The following YPEL2 variants were observed in gnomAD, a reference collection of about 807,000 sequenced individuals.
YPEL2 encodes the protein yippee like 2, also known as protein yippee-like 2.
In YPEL2, 2 loss-of-function variants were observed where a neutral mutation model predicts 19.1. The observed-to-expected ratio is 0.10, with a 90% confidence interval of 0.04 to 0.33. The LOEUF (loss-of-function observed/expected upper bound fraction) is 0.33. Ranked by LOEUF, YPEL2 falls within the 10% of genes least tolerant of loss-of-function variation. The probability of loss-of-function intolerance (pLI) is 1.00; values close to 1 mark genes in which losing one functional copy is unlikely to be tolerated. For synonymous variants in YPEL2, 52 were observed against 50.0 expected (o/e 1.04, Z -0.17); for missense variants, 66 against 140.7 (o/e 0.47, Z 2.68).
At chr17:59,396,522 G>A (rs1047390807) in intron 4 of YPEL2, among the ~76,000 whole-genome samples, 3 of 152,228 alleles carry the variant, frequency 2.0e-5, no homozygotes, top group African/African-American at 7.2e-5. Context: ...CTTACTGAGG[G>A]GGTGACATTG....
At position 59,389,428 on chromosome 17, in the gene YPEL2, T is replaced by C; in HGVS notation, c.230T>C (p.Ile77Thr). 6.2e-7 allele frequency: 1 copy of C among 1,614,000 alleles called. No individual in the cohort carries two copies. Among genetic ancestry groups the C allele is most frequent in the Non-Finnish European group, 8.5e-7 (1 of 1,180,004 alleles). The change falls in exon 4 of 5, where the codon ATT becomes ACT. Residue 77 changes from isoleucine to threonine, a missense_variant. By Grantham distance (89) the Ile-to-Thr change is moderately conservative. Transcript: ENST00000312655. ...LLTGLHAVAD[I>T]YCENCKTTLG... ...ACAGGACTGCATGCAGTCGCAGACA[T>C]TTACTGTGAAAACTGCAAAACCACT...
At chr17:59,368,436 A>T (rs1414253663) in intron 2 of YPEL2, among the ~76,000 whole-genome samples, 1 of 152,226 alleles carries the variant, frequency 6.6e-6, no homozygotes, top group Admixed American at 6.5e-5. Flanking sequence ...AAATAGATAA[A>T]CAGTGATAAA....
intron 4 of YPEL2, among the ~76,000 whole-genome samples, chr17:59,395,962 T>C (rs1268936495): frequency 1.3e-5 from 2 of 152,040 alleles, no homozygotes; most frequent in African/African-American, 4.8e-5. Context: ...GCTCCTGTAG[T>C]CCCAGCTACT....
In YPEL2 at chr17:59,332,489, C is replaced by G. The variant is rs918366133; in HGVS notation, c.-196+665C>G. 2.6e-5 allele frequency among the ~76,000 whole-genome samples: 4 copies of G among 152,224 alleles called. No homozygotes were observed. The East Asian group carries it at 5.8e-4, about 22-fold the overall frequency. The stretch of plus-strand genomic sequence containing the variant: ...CCCGACGGAACGCGGGAGCCTCTGC[C>G]GCGAGCGCCTCCCCGGAGCTGGCGC... On this transcript the variant is annotated intron_variant, in intron 1 of 4. Transcript: ENST00000312655.
At chr17:59,367,968 A>G (rs1477476327) in intron 2 of YPEL2, among the ~76,000 whole-genome samples, 1 of 152,136 alleles carries the variant, frequency 6.6e-6, no homozygotes, top group Non-Finnish European at 1.5e-5. Flanking sequence ...TTTGTGCTAA[A>G]TTTTCAGTGT....
At chr17:59,388,432 A>T in intron 3 of YPEL2, 62 bp downstream of exon 3, 1 of 1,522,280 alleles carries the variant, frequency 6.6e-7, no homozygotes, top group Admixed American at 1.7e-5. Context: ...GGAAAAAGCA[A>T]TCCTTGGTGA....
intron 4 of YPEL2, 52 bp downstream of exon 4, chr17:59,389,520 G>T: frequency 7.0e-7 from 1 of 1,428,378 alleles, no homozygotes. Flanking sequence ...ATTGCCAAGA[G>T]CCTTATGCCA....
chr17:59,353,445 A>G lies in YPEL2; in HGVS notation c.36A>G (p.Ala12=), dbSNP rs1220202495. 6.2e-7 allele frequency: 1 copy of G among 1,609,214 alleles called. No homozygotes were observed. The highest frequency in any genetic ancestry group is 8.5e-7 in the Non-Finnish European group (1 of 1,177,142). ...VKMTRSKTFQ[A]YLPSCHRTYS... ...TGACAAGATCGAAGACTTTCCAGGC[A>G]TATCTGCCCTCCTGCCACCGGACCT... is the stretch of plus-strand genomic sequence containing the variant. The change falls in exon 2 of 5, where the codon GCA becomes GCG. Residue 12 remains alanine (A), a synonymous_variant. Coordinates refer to ENST00000312655, the MANE Select transcript of YPEL2 (RefSeq NM_001005404.4). The surrounding 1 kb of genome is among the most constrained non-coding windows in gnomAD (Gnocchi z 4.8).
intron 2 of YPEL2, among the ~76,000 whole-genome samples, chr17:59,374,994 A>G (rs1224843588): frequency 2.6e-5 from 4 of 152,220 alleles, no homozygotes; most frequent in Non-Finnish European, 5.9e-5. Context: ...CCAAGGATCT[A>G]AAGATGGAGG....
At chr17:59,377,301 GCTTTGAGA>G (rs2047927037) in intron 2 of YPEL2, among the ~76,000 whole-genome samples, 1 of 152,136 alleles carries the variant, frequency 6.6e-6, no homozygotes, top group South Asian at 2.1e-4. Context: ...GGGCCCGATG[GCTTTGAGA>G]GACATTTGAG....
intron 1 of YPEL2, among the ~76,000 whole-genome samples, chr17:59,341,041 G>T (rs1052797336): frequency 2.7e-5 from 4 of 149,236 alleles, no homozygotes; most frequent in African/African-American, 9.8e-5. Context: ...AAAAATTAAG[G>T]TGGCCGGGCG....
chr17:59,343,152 T>C (rs563142245), intron 1 of YPEL2, among the ~76,000 whole-genome samples: 8 of 152,350 alleles, frequency 5.3e-5, no homozygotes, highest in African/African-American at 1.4e-4. Context: ...TTTTTAACTT[T>C]GTAGAGCATT....
At chr17:59,386,158 A>C (rs983480580) in intron 2 of YPEL2, among the ~76,000 whole-genome samples, 1 of 99,790 alleles carries the variant, frequency 1.0e-5, no homozygotes, top group African/African-American at 4.5e-5. Context: ...CCCTGTCTCT[A>C]TAAATTTTTT....
chr17:59,383,667 A>G (rs1376808911), intron 2 of YPEL2, among the ~76,000 whole-genome samples: 9 of 114,626 alleles, frequency 7.9e-5, no homozygotes, highest in African/African-American at 2.8e-4. Flanking sequence ...AATAGTGATT[A>G]TAAGACTTTC....
intron 1 of YPEL2, among the ~76,000 whole-genome samples, chr17:59,337,391 G>A (rs1288141499): frequency 3.3e-5 from 5 of 151,632 alleles, no homozygotes; most frequent in African/African-American, 9.7e-5. Flanking sequence ...GGGTTTCACC[G>A]TGTTAGCCAG....
At chr17:59,370,839 C>T (rs1361064942) in intron 2 of YPEL2, among the ~76,000 whole-genome samples, 1 of 151,976 alleles carries the variant, frequency 6.6e-6, no homozygotes, top group Non-Finnish European at 1.5e-5. Context: ...CTGCTGAAAC[C>T]AGACAAGAGG....
chr17:59,348,092 A>G (rs1333929084), intron 1 of YPEL2, among the ~76,000 whole-genome samples: 1 of 152,184 alleles, frequency 6.6e-6, no homozygotes, highest in East Asian at 1.9e-4. Flanking sequence ...AGAGATAGGG[A>G]AGCTGAGGGT....
intron 1 of YPEL2, among the ~76,000 whole-genome samples, chr17:59,349,610 C>G (rs750595952): frequency 1.3e-5 from 2 of 151,688 alleles, no homozygotes; most frequent in Non-Finnish European, 2.9e-5. Context: ...CCCAAAGTGT[C>G]TGGATTACAG....
At chr17:59,396,666 A>G (rs1322383038) in intron 4 of YPEL2, among the ~76,000 whole-genome samples, 2 of 152,234 alleles carry the variant, frequency 1.3e-5, no homozygotes, top group Non-Finnish European at 2.9e-5. Context: ...CGCTGAGTCA[A>G]GGTGAAGCTG....
Sources: allele counts gnomAD v4.1 joint callset (sites outside exome capture counted in the v4.1 genomes callset), GRCh38; gene constraint gnomAD v4.1.1; non-coding constraint Gnocchi (gnomAD v3.1); transcripts MANE v1.5; gene names NCBI Gene and HGNC (gene_info 2026-07-23, HGNC 2026-07-21).